AIG1: variants seen among roughly 807,000 people sequenced by gnomAD.
The protein encoded by AIG1 is androgen-induced gene 1 protein.
In AIG1, 23 loss-of-function variants were observed where a neutral mutation model predicts 31.4. That is an observed-to-expected ratio of 0.73 (90% CI 0.53 to 1.04). The LOEUF is 1.04. AIG1 is among the 50% of genes least tolerant of loss of function. AIG1 has a pLI of 0.00. For missense variants in AIG1, 274 were observed against 295.0 expected (o/e 0.93, Z 0.52); for synonymous variants, 100 against 110.5 (o/e 0.90, Z 0.60).
chr6:143,169,186 A>T (rs1787257734), intron 3 of AIG1, among the ~76,000 whole-genome samples: 1 of 152,196 alleles, frequency 6.6e-6, no homozygotes, highest in African/African-American at 2.4e-5. Context: ...TTTTAAAAAA[A>T]TGTATATACT....
At chr6:143,081,428 G>C (rs1241439142) in intron 1 of AIG1, among the ~76,000 whole-genome samples, 2 of 151,648 alleles carry the variant, frequency 1.3e-5, no homozygotes, top group African/African-American at 4.8e-5. Flanking sequence ...TACAAGGGAA[G>C]GCCTCCACCC....
intron 1 of AIG1, among the ~76,000 whole-genome samples, chr6:143,123,587 C>T (rs1464282230): frequency 2.0e-5 from 3 of 151,958 alleles, no homozygotes; most frequent in African/African-American, 4.8e-5. Context: ...ACATTATGCC[C>T]GTGCAGTTCA....
At chr6:143,185,182 G>A (rs1349527960) in intron 3 of AIG1, among the ~76,000 whole-genome samples, 3 of 134,852 alleles carry the variant, frequency 2.2e-5, no homozygotes, top group Non-Finnish European at 3.1e-5. Context: ...GCGACAGAGC[G>A]AGACTCCATC....
intron 3 of AIG1, among the ~76,000 whole-genome samples, chr6:143,198,827 A>C (rs975298141): frequency 6.6e-6 from 1 of 152,214 alleles, no homozygotes; most frequent in Non-Finnish European, 1.5e-5. Context: ...TTGCACGGAC[A>C]TCTAACTGCA....
At chr6:143,218,768 A>T (rs1792234671) in intron 3 of AIG1, among the ~76,000 whole-genome samples, 1 of 152,204 alleles carries the variant, frequency 6.6e-6, no homozygotes, top group South Asian at 2.1e-4. Context: ...AACATTTTGA[A>T]AATTGTGTCT....
intron 1 of AIG1, among the ~76,000 whole-genome samples, chr6:143,095,731 T>A (rs191036543): frequency 4.6e-5 from 7 of 152,182 alleles, no homozygotes; most frequent in Admixed American, 4.6e-4. Flanking sequence ...CCTCATCTTG[T>A]TTTTTCATCC....
At chr6:143,209,323 C>G (rs950370526) in intron 3 of AIG1, among the ~76,000 whole-genome samples, 1 of 152,190 alleles carries the variant, frequency 6.6e-6, no homozygotes, top group Non-Finnish European at 1.5e-5. Flanking sequence ...GTCCTAATCC[C>G]CGGAACTTGT....
At chr6:143,164,164 TC>T (rs1303350865) in intron 2 of AIG1, among the ~76,000 whole-genome samples, 1 of 152,200 alleles carries the variant, frequency 6.6e-6, no homozygotes, top group Non-Finnish European at 1.5e-5. Flanking sequence ...GCTGTATTTT[TC>T]CATTTTGTAG....
rs201021068 is a variant in AIG1 at position 143,061,405 on chromosome 6, G to A, written c.141+339G>A. ...GACACGGGAAGAATCTTCAACAAAA[G>A]CATCGGACCTGATCCTGAATGGCCT... On this transcript the variant is annotated intron_variant, in intron 1 of 5. Coordinates refer to ENST00000357847, the MANE Select transcript of AIG1 (RefSeq NM_016108.4). The A allele has an allele frequency of 1.7e-5, 7 of 415,460 alleles. No homozygotes were observed. In the East Asian group the frequency reaches 2.0e-4, roughly 12 times the overall value. 25.7% of individuals were successfully genotyped at this position (415,460 alleles called of 1,614,324 possible).
At position 143,187,432 on chromosome 6, in the gene AIG1, A is replaced by G. The variant is rs138626223; in HGVS notation, c.399+22249A>G. 24 of 1,535,646 alleles carry G rather than the reference A, an allele frequency of 1.6e-5. No homozygotes were observed. In the East Asian group the frequency reaches 4.4e-4, roughly 28 times the overall value. On this transcript the variant is annotated intron_variant, in intron 3 of 5. Coordinates refer to ENST00000357847, the MANE Select transcript of AIG1 (RefSeq NM_016108.4). ...CCACTTTGGGCTTTTACACAGAACT[A>G]CAGTATGATCAGCTTGGTTGAAGTT...
At chr6:143,250,361 A>G (rs528637870) in intron 3 of AIG1, among the ~76,000 whole-genome samples, 30 of 152,378 alleles carry the variant, frequency 2.0e-4, no homozygotes, top group African/African-American at 7.0e-4. Flanking sequence ...TAAAATGCCA[A>G]TGGGCAAGTT....
chr6:143,289,943 C>T (rs998996571), intron 4 of AIG1, among the ~76,000 whole-genome samples: 14 of 152,296 alleles, frequency 9.2e-5, no homozygotes, highest in Non-Finnish European at 1.6e-4. Context: ...CTGGCCGACA[C>T]GTGTTCTTTG....
intron 1 of AIG1, among the ~76,000 whole-genome samples, chr6:143,068,546 G>A (rs948117355): frequency 6.6e-6 from 1 of 152,208 alleles, no homozygotes; most frequent in Non-Finnish European, 1.5e-5. Flanking sequence ...CAATGCATTA[G>A]TGCACTCACA....
chr6:143,264,998 A>G (rs1041566572), intron 3 of AIG1, among the ~76,000 whole-genome samples: 6 of 152,230 alleles, frequency 3.9e-5, no homozygotes, highest in African/African-American at 1.4e-4. Flanking sequence ...ATTATATTAT[A>G]AAATAAGCTT....
At position 143,223,362 on chromosome 6, in the gene AIG1, A is replaced by G. The variant is rs563660470; in HGVS notation, c.399+58179A>G. Among the ~76,000 whole-genome samples the G allele has an allele frequency of 2.0e-5, 3 of 152,230 alleles. No homozygotes were observed. The South Asian group carries it at 6.2e-4, about 31-fold the overall frequency. On this transcript the variant is annotated intron_variant, in intron 3 of 5. Transcript: ENST00000357847. ...GTTTCCTTGTTTCCTGGTACTGAGG[A>G]AAGTTTGCAAACCATTGGTTTAGGC...
At chr6:143,226,451 G>A (rs565465656) in intron 3 of AIG1, among the ~76,000 whole-genome samples, 1 of 151,572 alleles carries the variant, frequency 6.6e-6, no homozygotes, top group South Asian at 2.1e-4. Context: ...TCACCGTGTT[G>A]GCCAGGATGG....
chr6:143,342,103 T>G (rs1777868424), downstream of AIG1: 1 of 422,116 alleles, frequency 2.4e-6, no homozygotes, highest in African/African-American at 2.0e-5. Context: ...TTTTGTACTT[T>G]TCGTAGAGAC....
At chr6:143,081,435 A>C (rs2128468943) in intron 1 of AIG1, among the ~76,000 whole-genome samples, 1 of 151,526 alleles carries the variant, frequency 6.6e-6, no homozygotes, top group African/African-American at 2.4e-5. Context: ...GAAGGCCTCC[A>C]CCCAACCAGT....
intron 1 of AIG1, among the ~76,000 whole-genome samples, chr6:143,115,425 T>G (rs1297749717): frequency 6.6e-6 from 1 of 151,804 alleles, no homozygotes; most frequent in Non-Finnish European, 1.5e-5. Flanking sequence ...TATTTATTAC[T>G]TATACCATGG....
Sources: gnomAD v4.1 joint callset for allele counts (sites outside exome capture counted in the v4.1 genomes callset) on GRCh38, gnomAD v4.1.1 for gene constraint, MANE v1.5 for transcripts, NCBI Gene and HGNC (gene_info 2026-07-23, HGNC 2026-07-21) for gene names.